The following DCHS2 variants were observed in gnomAD, a reference collection of about 807,000 sequenced individuals.
DCHS2 encodes the protein protocadherin-23.
In DCHS2, 142 loss-of-function variants were observed where a neutral mutation model predicts 182.4. That is an observed-to-expected ratio of 0.78 (90% CI 0.68 to 0.89). The LOEUF is 0.89. Ranked by LOEUF, DCHS2 falls within the 40% of genes least tolerant of loss-of-function variation. The probability of loss-of-function intolerance (pLI) is 0.00; values close to 1 mark genes in which losing one functional copy is unlikely to be tolerated. For synonymous variants in DCHS2, 1,740 were observed against 1,663.3 expected (o/e 1.05, Z -1.12); for missense variants, 4,319 against 4,198.6 (o/e 1.03, Z -0.79).
chr4:154,329,696 AATTG>A lies in DCHS2; in HGVS notation c.3741_3744del (p.Asn1248GlyfsTer14). On this transcript the variant is annotated frameshift_variant, in exon 6 of 20. Coordinates refer to ENST00000357232, the MANE Select transcript of DCHS2 (RefSeq NM_001358235.2). LOFTEE classifies it high-confidence loss of function. ...CGGTGCTCACGATCCAGTGCCACCC[AATTG>A]ATTAACTCTCCTGCAGAGTACAGAG... is the stretch of plus-strand genomic sequence containing the variant. The A allele has an allele frequency of 6.2e-7, 1 of 1,611,914 alleles. No homozygotes were observed. The highest frequency in any genetic ancestry group is 8.5e-7 in the Non-Finnish European group (1 of 1,179,758).
At chr4:154,326,597 G>T (rs1482193309) in intron 7 of DCHS2, among the ~76,000 whole-genome samples, 1 of 152,066 alleles carries the variant, frequency 6.6e-6, no homozygotes, top group African/African-American at 2.4e-5. Flanking sequence ...TCTTTGATAT[G>T]CTGAGAGTAG....
At position 154,234,428 on chromosome 4, in the gene DCHS2, C is replaced by G; in HGVS notation, c.*108G>C. ...TTTAAAAACTCTAACTAAATTACAT[C>G]ACTTGCTTTTAGATAAAAATGAGCC... On this transcript the variant is annotated 3_prime_UTR_variant, in exon 20 of 20. Transcript: ENST00000357232. 1 of 1,381,388 alleles carries G rather than the reference C, an allele frequency of 7.2e-7. No individual in the cohort carries two copies. The highest frequency in any genetic ancestry group is 9.5e-7 in the Non-Finnish European group (1 of 1,048,266). 85.6% of individuals were successfully genotyped at this position (1,381,388 alleles called of 1,614,324 possible).
rs936088671 is a variant in DCHS2, at chr4:154,411,281, T to C, written c.2053-33837A>G. 5.9e-5 allele frequency among the ~76,000 whole-genome samples: 9 copies of C among 151,966 alleles called. No homozygotes were observed. The East Asian group carries it at 1.4e-3, about 23-fold the overall frequency. On this transcript the variant is annotated intron_variant, in intron 1 of 19. Transcript: ENST00000357232. The stretch of plus-strand genomic sequence containing the variant: ...AAATAAGGAGATGTAGGTCAAAGAA[T>C]ACAAAGTAGCAAATAAAAAGAATAA...
intron 7 of DCHS2, chr4:154,322,727 C>T (rs750238630): frequency 1.4e-5 from 6 of 430,526 alleles, no homozygotes; most frequent in Non-Finnish European, 2.4e-5. Context: ...GAGTCCATCA[C>T]CTAGCTTCAA....
chr4:154,430,425 T>G (rs1733512910), intron 1 of DCHS2, among the ~76,000 whole-genome samples: 1 of 152,156 alleles, frequency 6.6e-6, no homozygotes, highest in South Asian at 2.1e-4. Flanking sequence ...TGAGTCTGTT[T>G]CCATGTGCCC....
Position 154,458,789 on chromosome 4 carries a change from C to T in DCHS2, c.2052+30515G>A, listed in dbSNP as rs548146277. Among the ~76,000 whole-genome samples the T allele has an allele frequency of 2.0e-5, 3 of 152,218 alleles. No homozygotes were observed. The East Asian group carries it at 5.8e-4, about 29-fold the overall frequency. Reference sequence around the variant, plus strand: ...TTGATAATTAGAATGTTCACTGATTCTAAAGTTTATTAGACTGGTGGTAGT... The same window carrying T: ...TTGATAATTAGAATGTTCACTGATTTTAAAGTTTATTAGACTGGTGGTAGT... On this transcript the variant is annotated intron_variant, in intron 1 of 19. Transcript: ENST00000357232.
chr4:154,488,499 G>T (rs1410459737), intron 1 of DCHS2, among the ~76,000 whole-genome samples: 1 of 152,080 alleles, frequency 6.6e-6, no homozygotes, highest in African/African-American at 2.4e-5. Context: ...CTCTGGAAAA[G>T]GTAACTCAAA....
At chr4:154,304,647 A>G in intron 12 of DCHS2, 22 bp downstream of exon 12, 3 of 1,586,116 alleles carry the variant, frequency 1.9e-6, no homozygotes, top group Non-Finnish European at 2.6e-6. Flanking sequence ...AAACAAACAA[A>G]CAAACAAACA....
intron 1 of DCHS2, among the ~76,000 whole-genome samples, chr4:154,409,073 C>T (rs79452609): frequency 1.6e-3 from 251 of 152,304 alleles, no homozygotes; most frequent in African/African-American, 5.5e-3. Flanking sequence ...ACTAAGCTGA[C>T]GTGGAGCCCC....
At chr4:154,359,597 T>G (rs192660478) in intron 3 of DCHS2, among the ~76,000 whole-genome samples, 3 of 152,206 alleles carry the variant, frequency 2.0e-5, no homozygotes, top group African/African-American at 7.2e-5. Flanking sequence ...ACCATTTTCT[T>G]CTTAGTTGTA....
rs1261336321 is a variant in DCHS2 at position 154,234,193 on chromosome 4, C to T, written c.*343G>A. The T allele has an allele frequency of 1.2e-4, 24 of 197,392 alleles. No individual in the cohort carries two copies. The East Asian group carries it at 2.1e-3, about 17-fold the overall frequency. 12.2% of individuals were successfully genotyped at this position (197,392 alleles called of 1,614,324 possible). Reference sequence around the variant, plus strand: ...GATCAGCAGCAATGTGACCAGAGTACACTATATTTTGTTTCCATATAAACA... The same window carrying T: ...GATCAGCAGCAATGTGACCAGAGTATACTATATTTTGTTTCCATATAAACA... On this transcript the variant is annotated 3_prime_UTR_variant, in exon 20 of 20. Transcript: ENST00000357232.
At chr4:154,323,883 A>AAG in intron 7 of DCHS2, among the ~76,000 whole-genome samples, 1 of 152,094 alleles carries the variant, frequency 6.6e-6, no homozygotes, top group East Asian at 1.9e-4. Flanking sequence ...CAAAAAAAAA[A>AAG]ATCCAAAAGC....
Position 154,234,901 on chromosome 4 carries a change from A to C in DCHS2, c.9751T>G (p.Phe3251Val), listed in dbSNP as rs1311788119. 4 of 1,614,070 alleles carry C rather than the reference A, an allele frequency of 2.5e-6. No homozygotes were observed. In the South Asian group the frequency reaches 4.4e-5, roughly 18 times the overall value. ...TCCTTTAGTTTTGCAATATCATTAA[A>C]TACTGAGGCAAGAGGTTGGAATTTG... ...EPKFQPLASV[F>V]NDIAKLKDEH... is the part of the protein sequence containing the mutation. Residue 3251 changes from phenylalanine (F) to valine (V), a missense_variant, in exon 20 of 20, where the codon TTT (phenylalanine) becomes GTT (valine). Coordinates refer to ENST00000357232, the MANE Select transcript of DCHS2 (RefSeq NM_001358235.2).
At chr4:154,317,668 C>T in intron 9 of DCHS2, among the ~76,000 whole-genome samples, 1 of 151,878 alleles carries the variant, frequency 6.6e-6, no homozygotes. Flanking sequence ...TTTCAATATT[C>T]CCTGAAAATC....
intron 1 of DCHS2, among the ~76,000 whole-genome samples, chr4:154,412,065 T>C (rs553986968): frequency 9.2e-5 from 14 of 152,348 alleles, no homozygotes; most frequent in Non-Finnish European, 1.8e-4. Context: ...TAATTTACTG[T>C]ATCATGCATT....
intron 19 of DCHS2, 136 bp from the exon 20 acceptor site, chr4:154,237,295 A>G: frequency 8.6e-7 from 1 of 1,158,264 alleles, no homozygotes; most frequent in Non-Finnish European, 1.2e-6. Context: ...ATGAACAATG[A>G]CTCCAAATAG....
intron 14 of DCHS2, 116 bp downstream of exon 14, chr4:154,269,784 C>A (rs1733483772): frequency 7.2e-6 from 9 of 1,245,156 alleles, no homozygotes; most frequent in South Asian, 4.6e-5. Flanking sequence ...TTAAAAAATT[C>A]TTTCTTGCTT....
chr4:154,469,788 G>T (rs1261365649), intron 1 of DCHS2, among the ~76,000 whole-genome samples: 1 of 152,124 alleles, frequency 6.6e-6, no homozygotes, highest in East Asian at 1.9e-4. Flanking sequence ...TATTAGCATG[G>T]CTGCCTCCTT....
chr4:154,415,147 G>A (rs1297807761), intron 1 of DCHS2, among the ~76,000 whole-genome samples: 1 of 152,156 alleles, frequency 6.6e-6, no homozygotes, highest in Non-Finnish European at 1.5e-5. Context: ...TATAACTGAT[G>A]CTATTTGCAA....
Sources: gnomAD v4.1 joint callset for allele counts (sites outside exome capture counted in the v4.1 genomes callset) on GRCh38, gnomAD v4.1.1 for gene constraint, MANE v1.5 for transcripts, NCBI Gene and HGNC (gene_info 2026-07-23, HGNC 2026-07-21) for gene names.